The following MEST variants were observed in gnomAD, a reference collection of about 807,000 sequenced individuals.
The protein encoded by MEST is mesoderm specific transcript.
Under a neutral mutation model 50.9 loss-of-function variants are expected in MEST, and 18 were observed. The observed-to-expected ratio is 0.35, with a 90% CI of 0.24 to 0.52. The LOEUF (loss-of-function observed/expected upper bound fraction) is 0.52, where lower values mean the gene tolerates loss of function less well. Among genes scored for constraint, MEST ranks in the 20% least tolerant of loss-of-function variants. MEST has a pLI of 0.94. For synonymous variants in MEST, 130 were observed against 154.1 expected (o/e 0.84, Z 1.16); for missense variants, 282 against 425.3 (o/e 0.66, Z 2.96).
In MEST at chr7:130,504,889, C is replaced by T. The variant is rs377706169; in HGVS notation, c.891-50C>T. 11 of 1,439,772 alleles carry T rather than the reference C, an allele frequency of 7.6e-6. No individual in the cohort carries two copies. In the African/African-American group the frequency reaches 1.1e-4, roughly 15 times the overall value. 89.2% of individuals were successfully genotyped at this position (1,439,772 alleles called of 1,614,324 possible). ...ACTGGGGCTTCCCACTGGCTTACATCCCTCCCGCTCCAGCCTCAAGTTCAC... is the reference window on the plus strand; with the variant it reads ...ACTGGGGCTTCCCACTGGCTTACATTCCTCCCGCTCCAGCCTCAAGTTCAC... On this transcript the variant is annotated intron_variant, in intron 11 of 11. Coordinates refer to ENST00000223215, the MANE Select transcript of MEST (RefSeq NM_002402.4).
intron 11 of MEST, 74 bp downstream of exon 11, chr7:130,504,070 A>AGGGCTATTGGCTC: frequency 8.1e-7 from 1 of 1,230,790 alleles, no homozygotes; most frequent in Non-Finnish European, 1.2e-6. Context: ...TTGCCTGTTG[A>AGGGCTATTGGCTC]GGGCTATTGG....
rs782400868 is a variant in MEST at position 130,499,829 on chromosome 7, AAAATT to A, written c.536-42_536-38del. On this transcript the variant is annotated intron_variant, in intron 6 of 11. Transcript: ENST00000223215. The stretch of plus-strand genomic sequence containing the variant: ...GAGATCCCGTCTCTATAAAAAAAAA[AAAATT>A]AAAGCTGTAGGTAAATGACTAAGAT... 1.9e-6 allele frequency: 3 copies of A among 1,554,846 alleles called. No individual in the cohort carries two copies. In the South Asian group the frequency reaches 3.6e-5, roughly 18 times the overall value.
rs576647314 is a variant in MEST, at chr7:130,497,202, C to T, written c.228C>T (p.His76=). 11 of 1,613,034 alleles carry T rather than the reference C, an allele frequency of 6.8e-6. No homozygotes were observed. The highest frequency in any genetic ancestry group is 2.7e-5 in the African/African-American group (2 of 74,946). Reference sequence around the variant, plus strand: ...GTCCAGAGATAGTTGTGCTTTTACACGGTTTTCCAACATCCAGCTACGACT... The same window carrying T: ...GTCCAGAGATAGTTGTGCTTTTACATGGTTTTCCAACATCCAGCTACGACT... The part of the protein sequence containing the change: ...VGSPEIVVLL[H]GFPTSSYDWY... The change falls in exon 3 of 12, where the codon CAC becomes CAT. Residue 76 remains histidine, a synonymous_variant. Transcript: ENST00000223215. The surrounding 1 kb of genome is among the most constrained non-coding windows in gnomAD (Gnocchi z 4.0).
In MEST at chr7:130,498,028, T is replaced by C. The variant is rs1799130862; in HGVS notation, c.339+15T>C. 1.9e-6 allele frequency: 3 copies of C among 1,614,056 alleles called. No homozygotes were observed. Among genetic ancestry groups the C allele is most frequent in the Non-Finnish European group, 2.5e-6 (3 of 1,179,902 alleles). On this transcript the variant is annotated intron_variant, in intron 4 of 11. Coordinates refer to ENST00000223215, the MANE Select transcript of MEST (RefSeq NM_002402.4). ...GTGACAAACCGGTAAGCAGCACCTATGTGGGGCTGGTGATGGGGTGTGGGG... is the reference window on the plus strand; with the variant it reads ...GTGACAAACCGGTAAGCAGCACCTACGTGGGGCTGGTGATGGGGTGTGGGG...
At chr7:130,495,634 ATCTC>A (rs1198512243) in intron 2 of MEST, 112 bp downstream of exon 2, 8 of 1,122,382 alleles carry the variant, frequency 7.1e-6, no homozygotes, top group East Asian at 2.6e-5. Context: ...GGAGGAGAGT[ATCTC>A]TCTCTCTTTC....
At chr7:130,503,580 G>A (rs1054634109) in intron 10 of MEST, among the ~76,000 whole-genome samples, 5 of 152,164 alleles carry the variant, frequency 3.3e-5, no homozygotes, top group African/African-American at 4.8e-5. Context: ...AGGCTGAGGT[G>A]GGAGGACTGG....
upstream of MEST, among the ~76,000 whole-genome samples, chr7:130,490,331 C>T (rs563384187): frequency 1.6e-4 from 25 of 152,322 alleles, no homozygotes; most frequent in South Asian, 5.0e-3. Context: ...AAGGACTAAC[C>T]GTTTTCCCCA....
chr7:130,505,511 C>T lies in MEST; in HGVS notation c.*455C>T, dbSNP rs1799446663. The stretch of plus-strand genomic sequence containing the variant: ...CTCGAATGACGTTATGGGCACATGC[C>T]TTTTAAAAGTTCTTTAAGCAACACA... On this transcript the variant is annotated 3_prime_UTR_variant, in exon 12 of 12. Coordinates refer to ENST00000223215, the MANE Select transcript of MEST (RefSeq NM_002402.4). The T allele has an allele frequency of 6.5e-6, 1 of 154,338 alleles. No homozygotes were observed. The highest frequency in any genetic ancestry group is 6.3e-5 in the Admixed American group (1 of 15,818). 9.6% of individuals were successfully genotyped at this position (154,338 alleles called of 1,614,324 possible). A position where few individuals can be genotyped will look rare whatever the true frequency, so the allele number is the denominator to read the frequency against.
Position 130,500,914 on chromosome 7 carries a change from G to A in MEST, c.749+24G>A, listed in dbSNP as rs782364749. ...AGGTAAGAAGTTACCCTTTGCTTTGGTTTCCAGAGACGTGTTTTTGTGGAG... is the reference window on the plus strand; with the variant it reads ...AGGTAAGAAGTTACCCTTTGCTTTGATTTCCAGAGACGTGTTTTTGTGGAG... On this transcript the variant is annotated intron_variant, in intron 9 of 11. Transcript: ENST00000223215. The surrounding 1 kb of genome is among the most constrained non-coding windows in gnomAD (Gnocchi z 5.0). The A allele has an allele frequency of 1.9e-6, 3 of 1,601,310 alleles. No homozygotes were observed. Among genetic ancestry groups the A allele is most frequent in the East Asian group, 2.2e-5 (1 of 44,824 alleles).
rs147421229 is a variant in MEST at position 130,495,507 on chromosome 7, C to T, written c.166C>T (p.Arg56Cys). Residue 56 changes from arginine (R) to cysteine (C), a missense_variant, in exon 2 of 12, where the codon CGT becomes TGT. By Grantham distance (180) the Arg-to-Cys change is radical (BLOSUM62 -3). Coordinates refer to ENST00000223215, the MANE Select transcript of MEST (RefSeq NM_002402.4). ...SGKFFTYKGLRIFYQDSVGVV... is the reference protein window; with the variant it reads ...SGKFFTYKGLCIFYQDSVGVV... ...CAAGTTTTTCACTTACAAGGGACTG[C>T]GTATCTTCTACCAAGGTAAGAAGTG... 15 of 1,613,724 alleles carry T rather than the reference C, an allele frequency of 9.3e-6. No individual in the cohort carries two copies. Among genetic ancestry groups the T allele is most frequent in the Middle Eastern group, 3.3e-4 (2 of 6,068 alleles).
upstream of MEST, among the ~76,000 whole-genome samples, chr7:130,491,792 C>G (rs1798822381): frequency 1.3e-5 from 2 of 152,098 alleles, no homozygotes; most frequent in South Asian, 2.1e-4. The surrounding 1 kb of genome is among the most constrained non-coding windows in gnomAD (Gnocchi z 6.8). Flanking sequence ...TGTTTTTGCC[C>G]GTGGCCTTAA....
upstream of MEST, among the ~76,000 whole-genome samples, chr7:130,490,332 G>A (rs530394432): frequency 2.6e-4 from 39 of 152,138 alleles, no homozygotes; most frequent in Non-Finnish European, 5.1e-4. Flanking sequence ...AGGACTAACC[G>A]TTTTCCCCAA....
chr7:130,492,291 G>T lies in MEST; in HGVS notation c.-23G>T. ...GCCCGGTGCTCTGCAACGCTGCGGC[G>T]GGCGGCATGGGATAACGCGGCCATG... On this transcript the variant is annotated 5_prime_UTR_variant, in exon 1 of 12. Transcript: ENST00000223215. The surrounding 1 kb of genome is among the most constrained non-coding windows in gnomAD (Gnocchi z 7.6). 3 of 1,346,514 alleles carry T rather than the reference G, an allele frequency of 2.2e-6. No homozygotes were observed. The highest frequency in any genetic ancestry group is 3.0e-5 in the East Asian group (1 of 33,030). 83.4% of individuals were successfully genotyped at this position (1,346,514 alleles called of 1,614,324 possible).
chr7:130,495,422 G>T lies in MEST; in HGVS notation c.81G>T (p.Ala27=). 1.2e-6 allele frequency: 2 copies of T among 1,613,866 alleles called. No homozygotes were observed. The highest frequency in any genetic ancestry group is 1.7e-6 in the Non-Finnish European group (2 of 1,179,904). The change falls in exon 2 of 12, where the codon GCG becomes GCT. Residue 27 remains alanine, a synonymous_variant. Transcript: ENST00000223215. The part of the protein sequence containing the change: ...VGLLAVPLLA[A]YLHIPPPQLS... ...TGCTGGCCGTGCCCCTGCTTGCTGC[G>T]TACCTGCACATCCCACCCCCTCAGC... is the stretch of plus-strand genomic sequence containing the variant.
At chr7:130,503,686 C>T (rs1040135867) in intron 10 of MEST, among the ~76,000 whole-genome samples, 1 of 152,062 alleles carries the variant, frequency 6.6e-6, no homozygotes, top group African/African-American at 2.4e-5. Flanking sequence ...GTGTTGCACA[C>T]CTGTATGTAG....
chr7:130,503,232 T>C (rs6977338), intron 10 of MEST, among the ~76,000 whole-genome samples: 64,841 of 152,172 alleles, frequency 0.43, 16,789 homozygotes, highest in East Asian at 0.59. Flanking sequence ...GTTTCACACA[T>C]AGTGATTAGT....
chr7:130,492,254 G>A lies in MEST; in HGVS notation c.-60G>A. ...CTGCTGGCCAGCTCTGCACGGCTGC[G>A]GGCTCTGCGGCGCCCGGTGCTCTGC... On this transcript the variant is annotated 5_prime_UTR_variant, in exon 1 of 12. Transcript: ENST00000223215. This position sits in a 1 kb window ranked among gnomAD's most constrained non-coding sequence, Gnocchi z 7.6. 3 of 1,313,306 alleles carry A rather than the reference G, an allele frequency of 2.3e-6. No individual in the cohort carries two copies. The highest frequency in any genetic ancestry group is 1.9e-6 in the Non-Finnish European group (2 of 1,031,840). 81.4% of individuals were successfully genotyped at this position (1,313,306 alleles called of 1,614,324 possible). A position where few individuals can be genotyped will look rare whatever the true frequency, so the allele number is the denominator to read the frequency against.
chr7:130,502,868 C>CT (rs1382246183), intron 10 of MEST, 148 bp downstream of exon 10: 7 of 623,138 alleles, frequency 1.1e-5, no homozygotes, highest in East Asian at 5.5e-5. Flanking sequence ...ACAACAAATG[C>CT]TTTTTTAGTA....
chr7:130,505,955 T>C lies in MEST; in HGVS notation c.*899T>C, dbSNP rs1799462786. The C allele has an allele frequency of 6.6e-6, 1 of 152,524 alleles. No homozygotes were observed. The highest frequency in any genetic ancestry group is 2.1e-4 in the South Asian group (1 of 4,820). The allele number at this position is 152,524 out of a possible 1,614,324, so 9.4% of individuals were successfully genotyped here. Reference sequence around the variant, plus strand: ...CAGTAGAGGGGAAGGGATTGTTGTGTAGTCAAGTCACCATGCTGAATGTAC... The same window carrying C: ...CAGTAGAGGGGAAGGGATTGTTGTGCAGTCAAGTCACCATGCTGAATGTAC... On this transcript the variant is annotated 3_prime_UTR_variant, in exon 12 of 12. Transcript: ENST00000223215.
Sources: allele counts gnomAD v4.1 joint callset (sites outside exome capture counted in the v4.1 genomes callset), GRCh38; gene constraint gnomAD v4.1.1; non-coding constraint Gnocchi (gnomAD v3.1); transcripts MANE v1.5; gene names NCBI Gene and HGNC (gene_info 2026-07-23, HGNC 2026-07-21).